The following MYO1B variants were observed in gnomAD, a reference collection of about 807,000 sequenced individuals.
MYO1B encodes myosin IB.
MYO1B carries 72 observed loss-of-function variants against 159.7 expected under a neutral mutation model. That is an observed-to-expected ratio of 0.45 (90% CI 0.37 to 0.55). The LOEUF (loss-of-function observed/expected upper bound fraction) is 0.55. Ranked by LOEUF, MYO1B falls within the 20% of genes least tolerant of loss-of-function variation. MYO1B has a pLI of 0.00. For synonymous variants in MYO1B, 468 were observed against 473.8 expected (o/e 0.99, Z 0.16); for missense variants, 1,062 against 1,364.8 (o/e 0.78, Z 3.50).
At chr2:191,382,167 T>C (rs1443066548) in intron 14 of MYO1B, among the ~76,000 whole-genome samples, 2 of 152,088 alleles carry the variant, frequency 1.3e-5, no homozygotes, top group Non-Finnish European at 2.9e-5. Context: ...ATTAGTTATT[T>C]CAAAAAATAA....
chr2:191,357,546 AAT>A (rs1427939337), intron 7 of MYO1B, among the ~76,000 whole-genome samples: 10 of 152,334 alleles, frequency 6.6e-5, no homozygotes, highest in Middle Eastern at 3.4e-3. Flanking sequence ...GCTGCATTAG[AAT>A]ATCTGGAATA....
chr2:191,269,901 A>AT (rs1687356703), intron 1 of MYO1B, among the ~76,000 whole-genome samples: 1 of 149,958 alleles, frequency 6.7e-6, no homozygotes, highest in South Asian at 2.1e-4. Context: ...AGGGAGTAAG[A>AT]TTTTTCTTGT....
chr2:191,313,574 C>T (rs1250161926), intron 3 of MYO1B, among the ~76,000 whole-genome samples: 7 of 152,126 alleles, frequency 4.6e-5, no homozygotes, highest in African/African-American at 4.8e-5. Context: ...TTAGTAGAGA[C>T]GGGCTTTCAC....
In MYO1B at chr2:191,277,007, C is replaced by A; in HGVS notation, c.112C>A (p.Arg38Ser). The change falls in exon 2 of 31, where the codon CGC becomes AGC. Residue 38 changes from arginine (R) to serine (S), a missense_variant. This residue lies in a region of MYO1B where 415 missense variants were observed against 544.0 expected (regional missense o/e 0.76). Transcript: ENST00000392318. ...EETFINNLKK[R>S]FDHSEIYTYI... ...GACCTTCATCAACAACCTCAAGAAG[C>A]GCTTTGACCACAGTGAAATATACGT... 6.2e-7 allele frequency: 1 copy of A among 1,613,680 alleles called. No individual in the cohort carries two copies. Among genetic ancestry groups the A allele is most frequent in the Non-Finnish European group, 8.5e-7 (1 of 1,179,920 alleles).
chr2:191,375,141 G>A (rs1245750925), intron 13 of MYO1B, among the ~76,000 whole-genome samples: 1 of 152,142 alleles, frequency 6.6e-6, no homozygotes, highest in Non-Finnish European at 1.5e-5. Context: ...TTTCAGTTAT[G>A]GACTCCTTAT....
intron 5 of MYO1B, among the ~76,000 whole-genome samples, chr2:191,345,450 C>T (rs909613692): frequency 6.6e-6 from 1 of 152,154 alleles, no homozygotes; most frequent in Non-Finnish European, 1.5e-5. Flanking sequence ...CCTATGACTC[C>T]GTGCTGTTCC....
Position 191,341,509 on chromosome 2 carries a change from G to C in MYO1B, c.395G>C (p.Gly132Ala). ...TATGTGGCAGCTGTTTGTGGAAAAG[G>C]AGCAGAAGTTAATCAAGTTAAAGAA... Reference protein sequence around the residue: ...MSYVAAVCGKGAEVNQVKEQL... With the variant: ...MSYVAAVCGKAAEVNQVKEQL... The change falls in exon 5 of 31, where the codon GGA becomes GCA. Residue 132 changes from glycine (G) to alanine (A), a missense_variant. By Grantham distance (60) the Gly-to-Ala change is moderately conservative (BLOSUM62 0). Coordinates refer to ENST00000392318, the MANE Select transcript of MYO1B (RefSeq NM_001130158.3). The C allele has an allele frequency of 1.2e-6, 2 of 1,614,002 alleles. No individual in the cohort carries two copies. Among genetic ancestry groups the C allele is most frequent in the Non-Finnish European group, 1.7e-6 (2 of 1,179,956 alleles).
intron 3 of MYO1B, among the ~76,000 whole-genome samples, chr2:191,320,186 C>G (rs1007977621): frequency 1.1e-4 from 17 of 152,122 alleles, no homozygotes; most frequent in African/African-American, 4.1e-4. Flanking sequence ...GCAACACGGA[C>G]CAGATGACTT....
rs117640897 is a variant in MYO1B at position 191,282,170 on chromosome 2, G to A, written c.135+5140G>A. Among the ~76,000 whole-genome samples, 110 of 152,312 alleles carry A rather than the reference G, an allele frequency of 7.2e-4. 1 individual carries two copies. The East Asian group carries it at 0.013, about 18-fold the overall frequency. ...TAATCTCTGTTCCTGGGAATTTGGC[G>A]TAGATGGAGTAGTAGTTTTCTCTTG... On this transcript the variant is annotated intron_variant, in intron 2 of 30. Transcript: ENST00000392318.
chr2:191,400,731 T>A lies in MYO1B; in HGVS notation c.2383-18T>A. 6.2e-7 allele frequency: 1 copy of A among 1,612,692 alleles called. No individual in the cohort carries two copies. Among genetic ancestry groups the A allele is most frequent in the South Asian group, 1.1e-5 (1 of 90,722 alleles). ...CTGCCTTAAACTTTTCTGTAACTCC[T>A]TTTCAAATGCATCACAGGCACGAAG... is the stretch of plus-strand genomic sequence containing the variant. On this transcript the variant is annotated intron_variant, in intron 22 of 30. Coordinates refer to ENST00000392318, the MANE Select transcript of MYO1B (RefSeq NM_001130158.3).
At chr2:191,309,458 A>G (rs1162962480) in intron 3 of MYO1B, among the ~76,000 whole-genome samples, 10 of 152,014 alleles carry the variant, frequency 6.6e-5, no homozygotes, top group Non-Finnish European at 1.2e-4. Flanking sequence ...TCTTATCTTC[A>G]TGAATGTTAT....
chr2:191,382,758 G>A (rs1475196835), intron 14 of MYO1B, among the ~76,000 whole-genome samples: 1 of 152,106 alleles, frequency 6.6e-6, no homozygotes, highest in South Asian at 2.1e-4. Context: ...CTTTCCTTAT[G>A]TTGAAAATAC....
chr2:191,418,124 C>A (rs1697690008), intron 30 of MYO1B, among the ~76,000 whole-genome samples: 1 of 152,208 alleles, frequency 6.6e-6, no homozygotes, highest in African/African-American at 2.4e-5. Flanking sequence ...TAAAACAGTT[C>A]ATAGGACTCT....
chr2:191,395,690 C>T (rs1442525522), intron 20 of MYO1B, among the ~76,000 whole-genome samples: 1 of 152,238 alleles, frequency 6.6e-6, no homozygotes, highest in Non-Finnish European at 1.5e-5. Flanking sequence ...TGAGCCAGAG[C>T]TGGGAGCCTC....
chr2:191,282,810 T>C (rs965558053), intron 2 of MYO1B, among the ~76,000 whole-genome samples: 1 of 152,120 alleles, frequency 6.6e-6, no homozygotes, highest in African/African-American at 2.4e-5. Context: ...TTAGATGAAG[T>C]AGGGAAGGAA....
chr2:191,246,404 T>C (rs1418446386), intron 1 of MYO1B: 2 of 152,320 alleles, frequency 1.3e-5, no homozygotes, highest in Non-Finnish European at 1.5e-5. Flanking sequence ...TCAAGGGCCA[T>C]GTGAGTTTCT....
At chr2:191,296,663 A>G (rs1397448820) in intron 3 of MYO1B, among the ~76,000 whole-genome samples, 2 of 152,190 alleles carry the variant, frequency 1.3e-5, no homozygotes, top group Non-Finnish European at 2.9e-5. Flanking sequence ...ATTTTTGCAG[A>G]CAATGTTCAC....
chr2:191,256,770 A>G (rs1686479622), intron 1 of MYO1B, among the ~76,000 whole-genome samples: 1 of 152,196 alleles, frequency 6.6e-6, no homozygotes, highest in Non-Finnish European at 1.5e-5. Flanking sequence ...AAAAAGGGAC[A>G]GGAGAGAGTG....
intron 6 of MYO1B, among the ~76,000 whole-genome samples, chr2:191,349,555 C>G (rs559003991): frequency 6.6e-6 from 1 of 152,178 alleles, no homozygotes; most frequent in Non-Finnish European, 1.5e-5. Context: ...ATGTGTGTTT[C>G]TGTGTGTTTA....
Sources: allele counts gnomAD v4.1 joint callset (sites outside exome capture counted in the v4.1 genomes callset), GRCh38; gene constraint gnomAD v4.1.1; regional missense constraint gnomAD v4.1.1; transcripts MANE v1.5; gene names NCBI Gene and HGNC (gene_info 2026-07-23, HGNC 2026-07-21).